Variants in TPM1 observed in about 807,000 individuals in gnomAD.
TPM1 encodes the protein tropomyosin 1, also known as tropomyosin alpha-1 chain.
In TPM1, 24 loss-of-function variants were observed where a neutral mutation model predicts 42.9. The observed-to-expected ratio is 0.56, with a 90% CI of 0.41 to 0.79. The LOEUF is 0.79. TPM1 is among the 30% of genes least tolerant of loss of function. The probability of loss-of-function intolerance (pLI) is 0.00; values close to 1 mark genes in which losing one functional copy is unlikely to be tolerated. For missense variants in TPM1, 158 were observed against 351.8 expected, an observed-to-expected ratio of 0.45 and a Z score of 4.41; for synonymous variants, 136 against 130.1, an observed-to-expected ratio of 1.05 and a Z score of -0.31.
At chr15:63,069,766 T>C, downstream of TPM1, 1 of 1,440,784 alleles carries the variant, frequency 6.9e-7, no homozygotes, top group Non-Finnish European at 9.7e-7. Flanking sequence ...GTTGCTGTCC[T>C]GCTTGAGGTC....
chr15:63,044,218 G>T (rs1257452502), intron 2 of TPM1, 66 bp downstream of exon 2: 1 of 1,612,740 alleles, frequency 6.2e-7, no homozygotes, highest in Non-Finnish European at 8.5e-7. Flanking sequence ...GTCACCACAG[G>T]GCTGGAGAGC....
chr15:63,048,643 C>A, intron 2 of TPM1: 1 of 1,538,186 alleles, frequency 6.5e-7, no homozygotes, highest in Non-Finnish European at 8.7e-7. Context: ...CAGGCGGACG[C>A]CGCTGAGGAG....
chr15:63,071,240 C>G lies in TPM1; in HGVS notation c.*68C>G, dbSNP rs2036597021. The G allele has an allele frequency of 2.0e-6, 3 of 1,492,884 alleles. No individual in the cohort carries two copies. In the South Asian group the frequency reaches 3.4e-5, roughly 17 times the overall value. 92.5% of individuals were successfully genotyped at this position (1,492,884 alleles called of 1,614,324 possible). A position where few individuals can be genotyped will look rare whatever the true frequency, so the allele number is the denominator to read the frequency against. The stretch of plus-strand genomic sequence containing the variant: ...TTTGTTTTTAAACACCTGCTTACCC[C>G]TTAAATGCAATTTATTTACTTTTAC... On this transcript the variant is annotated 3_prime_UTR_variant, in exon 9 of 9. Coordinates refer to the TPM1 transcript ENST00000267996.
exon 9 of TPM1, chr15:63,071,393 A>G: frequency 4.0e-6 from 2 of 502,864 alleles, no homozygotes; most frequent in Non-Finnish European, 3.6e-6. Flanking sequence ...ATGCTGCCAC[A>G]CTTTGTAGAG....
chr15:63,064,546 G>A (rs759767678), intron 9 of TPM1: 27 of 1,050,780 alleles, frequency 2.6e-5, no homozygotes, highest in African/African-American at 6.8e-5. Flanking sequence ...AATCATTTTC[G>A]TTAAATATAA....
chr15:63,069,886 A>G, downstream of TPM1: 2 of 1,614,148 alleles, frequency 1.2e-6, no homozygotes, highest in South Asian at 1.1e-5. Flanking sequence ...TCTACCAGCA[A>G]CTTGAGCAAA....
At chr15:63,057,156 T>G (rs1385845076) in intron 3 of TPM1, 38 bp downstream of exon 3, 1 of 1,612,508 alleles carries the variant, frequency 6.2e-7, no homozygotes, top group Admixed American at 1.7e-5. Flanking sequence ...GCAGCTGCCT[T>G]TCCTGGTGGA....
At chr15:63,070,904 T>C (rs1277229303), downstream of TPM1, 1 of 1,385,606 alleles carries the variant, frequency 7.2e-7, no homozygotes, top group Non-Finnish European at 9.4e-7. Context: ...ATGGCTCCTT[T>C]GGGTCAAAGA....
chr15:63,048,772 G>T, intron 2 of TPM1: 2 of 1,511,266 alleles, frequency 1.3e-6, no homozygotes, highest in Non-Finnish European at 8.8e-7. Context: ...GCCCCGCAGG[G>T]CCCTCCTGCT....
exon 9 of TPM1, chr15:63,071,279 A>T (rs1016031871): frequency 5.4e-6 from 7 of 1,289,696 alleles, no homozygotes; most frequent in African/African-American, 2.9e-5. Context: ...TGTCACAGAA[A>T]CATCCACAAG....
chr15:63,044,641 T>C lies in TPM1; in HGVS notation c.240+489T>C, dbSNP rs907701145. The C allele has an allele frequency of 7.2e-5, 17 of 236,604 alleles. No homozygotes were observed. The East Asian group carries it at 1.5e-3, about 21-fold the overall frequency. The allele number at this position is 236,604 out of a possible 1,614,324, so 14.7% of individuals were successfully genotyped here. A position where few individuals can be genotyped will look rare whatever the true frequency, so the allele number is the denominator to read the frequency against. On this transcript the variant is annotated intron_variant, in intron 2 of 9. Coordinates refer to ENST00000403994, the MANE Select transcript of TPM1 (RefSeq NM_001018005.2). ...TGACACAGCGGTACCTTTACTTAGATGGCTGCACTTCATGGTGGGGCACAG... is the reference window on the plus strand; with the variant it reads ...TGACACAGCGGTACCTTTACTTAGACGGCTGCACTTCATGGTGGGGCACAG...
At chr15:63,071,862 T>C (rs2036618510) in exon 9 of TPM1, 1 of 153,552 alleles carries the variant, frequency 6.5e-6, no homozygotes, top group Non-Finnish European at 1.5e-5. Flanking sequence ...TAACTATATG[T>C]AAACATTGTA....
chr15:63,061,251 C>G, intron 5 of TPM1: 2 of 1,614,200 alleles, frequency 1.2e-6, no homozygotes, highest in Non-Finnish European at 1.7e-6. Flanking sequence ...ACCTTGAAAG[C>G]ATTAATGGCT....
At chr15:63,048,672 C>A in intron 2 of TPM1, 1 of 1,539,346 alleles carries the variant, frequency 6.5e-7, no homozygotes, top group African/African-American at 1.4e-5. Context: ...CACCCTGCAG[C>A]GCGAGCTGGA....
chr15:63,049,054 G>GGCTT, intron 2 of TPM1: 1 of 316,986 alleles, frequency 3.2e-6, no homozygotes. Context: ...TTGCGCTGCT[G>GGCTT]GCTTGCTTTA....
At chr15:63,043,922 C>G (rs2031810828) in intron 1 of TPM1, 105 bp from the exon 2 acceptor site, 1 of 1,555,288 alleles carries the variant, frequency 6.4e-7, no homozygotes, top group African/African-American at 1.4e-5. Context: ...CTGTCTCTCC[C>G]GCTGTCCCTG....
Position 63,066,109 on chromosome 15 carries a change from C to G in TPM1, c.*210C>G. 6.7e-7 allele frequency: 1 copy of G among 1,490,568 alleles called. No individual in the cohort carries two copies. Among genetic ancestry groups the G allele is most frequent in the Non-Finnish European group, 8.9e-7 (1 of 1,129,414 alleles). The allele number at this position is 1,490,568 out of a possible 1,614,324, so 92.3% of individuals were successfully genotyped here. The stretch of plus-strand genomic sequence containing the variant: ...GTGTAAGCTATTTCTGTTTGCTATT[C>G]TTTTTACTTCTTATTTATTGACATT... On this transcript the variant is annotated 3_prime_UTR_variant, in exon 10 of 10. Coordinates refer to ENST00000403994, the MANE Select transcript of TPM1 (RefSeq NM_001018005.2).
At chr15:63,069,590 TTCAC>T (rs1461108977), downstream of TPM1, among the ~76,000 whole-genome samples, 1 of 152,210 alleles carries the variant, frequency 6.6e-6, no homozygotes, top group Non-Finnish European at 1.5e-5. Context: ...AAGAGGAACA[TTCAC>T]TCTTCTTCCT....
chr15:63,065,092 A>G (rs2036133800), intron 9 of TPM1: 1 of 985,344 alleles, frequency 1.0e-6, no homozygotes, highest in African/African-American at 1.7e-5. Context: ...TGTCAAATAA[A>G]TGGGAAATTA....
Sources: gnomAD v4.1 joint callset for allele counts (sites outside exome capture counted in the v4.1 genomes callset) on GRCh38, gnomAD v4.1.1 for gene constraint, MANE v1.5 for transcripts, NCBI Gene and HGNC (gene_info 2026-07-23, HGNC 2026-07-21) for gene names.